CNOT6L: variants seen among roughly 807,000 people sequenced by gnomAD.
CNOT6L encodes CCR4-NOT transcription complex subunit 6-like.
A neutral mutation model predicts 64.0 loss-of-function variants in CNOT6L; 7 were observed. That is an observed-to-expected ratio of 0.11 (90% CI 0.06 to 0.21). The LOEUF (loss-of-function observed/expected upper bound fraction) is 0.21. Among genes scored for constraint, CNOT6L ranks in the 10% least tolerant of loss-of-function variants. The pLI is 1.00. For missense variants in CNOT6L, 245 were observed against 669.0 expected (o/e 0.37, Z 6.99); for synonymous variants, 193 against 243.4 (o/e 0.79, Z 1.93).
chr4:77,765,255 G>A (rs189714657), intron 4 of CNOT6L, among the ~76,000 whole-genome samples: 111 of 152,262 alleles, frequency 7.3e-4, no homozygotes, highest in Middle Eastern at 3.4e-3. Context: ...CCCTTGTTTA[G>A]CATATAATCA....
At chr4:77,737,406 C>CTTTTTTTTTTTTTTTTTTTTTTTTTTTT (rs56952956) in intron 8 of CNOT6L, among the ~76,000 whole-genome samples, 1 of 82,374 alleles carries the variant, frequency 1.2e-5, no homozygotes, top group African/African-American at 4.7e-5. Context: ...TTGTACCGTT[C>CTTTTTTTTTTTTTTTTTTTTTTTTTTTT]TTTTTTTTTT....
chr4:77,800,356 T>C (rs1040704199), intron 1 of CNOT6L, among the ~76,000 whole-genome samples: 1 of 151,802 alleles, frequency 6.6e-6, no homozygotes, highest in Admixed American at 6.6e-5. Flanking sequence ...AATTTTTTTT[T>C]TTAAAGTAGC....
At chr4:77,759,074 C>G (rs1725878061) in intron 4 of CNOT6L, among the ~76,000 whole-genome samples, 1 of 151,522 alleles carries the variant, frequency 6.6e-6, no homozygotes, top group Non-Finnish European at 1.5e-5. Context: ...TAACTCCTAG[C>G]CAGAAAGAGA....
intron 1 of CNOT6L, among the ~76,000 whole-genome samples, chr4:77,813,830 G>C: frequency 6.6e-6 from 1 of 152,310 alleles, no homozygotes; most frequent in East Asian, 1.9e-4. Context: ...GCTTTGGAAA[G>C]CAGTCTAGAA....
chr4:77,775,811 C>T (rs1728080425), intron 2 of CNOT6L, among the ~76,000 whole-genome samples: 1 of 152,106 alleles, frequency 6.6e-6, no homozygotes, highest in Admixed American at 6.6e-5. Context: ...CATTATTAGA[C>T]TGGAATTATG....
chr4:77,761,067 A>G (rs2078547287), intron 4 of CNOT6L, among the ~76,000 whole-genome samples: 1 of 151,770 alleles, frequency 6.6e-6, no homozygotes, highest in South Asian at 2.1e-4. Flanking sequence ...AACAACTTAG[A>G]AGAAATGGAC....
In CNOT6L at chr4:77,766,015, T is replaced by C. The variant is rs148121643; in HGVS notation, c.400+7066A>G. Among the ~76,000 whole-genome samples the C allele has an allele frequency of 4.4e-3, 664 of 152,322 alleles. 2 individuals carry two copies. Among genetic ancestry groups the C allele is most frequent in the South Asian group, 8.3e-3 (40 of 4,822 alleles). On this transcript the variant is annotated intron_variant, in intron 4 of 11. Transcript: ENST00000504123. ...GTTCTTTTTCTCTGACCCAGGAATC[T>C]TATGTCTTCTGCCACCATCCATGAA...
At chr4:77,734,969 G>C (rs1185421089) in intron 8 of CNOT6L, among the ~76,000 whole-genome samples, 1 of 152,048 alleles carries the variant, frequency 6.6e-6, no homozygotes, top group African/African-American at 2.4e-5. Flanking sequence ...TTTGTGTTAA[G>C]TACTTCATAT....
chr4:77,774,644 T>C lies in CNOT6L; in HGVS notation c.200A>G (p.Tyr67Cys), dbSNP rs1727957518. 6.2e-7 allele frequency: 1 copy of C among 1,613,522 alleles called. No homozygotes were observed. The highest frequency in any genetic ancestry group is 8.5e-7 in the Non-Finnish European group (1 of 1,179,702). The part of the protein sequence containing the change: ...HLTALHLNDN[Y>C]LSRIPPDIAK... ...AATATCAGGTGGAATGCGACTAAGG[T>C]AATTGTCATTTAGGTGCAGCGCTGT... The change falls in exon 3 of 12, where the codon TAC becomes TGC. Residue 67 changes from tyrosine to cysteine, a missense_variant. Around this residue, in one of 10 missense-constraint regions of CNOT6L, gnomAD observed 78 missense variants for 137.6 expected, o/e 0.57. Coordinates refer to ENST00000504123, the MANE Select transcript of CNOT6L (RefSeq NM_144571.3).
At chr4:77,806,088 T>A (rs761151996) in intron 1 of CNOT6L, among the ~76,000 whole-genome samples, 1 of 152,110 alleles carries the variant, frequency 6.6e-6, no homozygotes, top group Non-Finnish European at 1.5e-5. Flanking sequence ...CCCAGTCCCA[T>A]CTCCTCAACT....
chr4:77,757,007 G>T, intron 4 of CNOT6L, 56 bp from the exon 5 acceptor site: 1 of 792,808 alleles, frequency 1.3e-6, no homozygotes, highest in South Asian at 1.8e-5. Context: ...AGGCAAGACA[G>T]AAATGTATAC....
intron 5 of CNOT6L, among the ~76,000 whole-genome samples, chr4:77,752,750 C>A (rs1034094056): frequency 5.3e-5 from 8 of 151,128 alleles, no homozygotes; most frequent in African/African-American, 1.9e-4. Context: ...TAAATATATA[C>A]ATAAATATAT....
chr4:77,726,105 CT>C (rs1186736175), intron 11 of CNOT6L, 61 bp downstream of exon 11: 2 of 1,435,944 alleles, frequency 1.4e-6, no homozygotes, highest in Non-Finnish European at 2.0e-6. Context: ...GAATTTACAC[CT>C]TTTTTGTTAC....
In CNOT6L at chr4:77,714,438, TAAA is replaced by T. The variant is rs201499481; in HGVS notation, c.*5990_*5992del. 2.2e-5 allele frequency: 3 copies of T among 134,676 alleles called. No individual in the cohort carries two copies. Among genetic ancestry groups the T allele is most frequent in the Admixed American group, 1.5e-4 (2 of 13,676 alleles). The allele number at this position is 134,676 out of a possible 1,614,324, so 8.3% of individuals were successfully genotyped here. A position where few individuals can be genotyped will look rare whatever the true frequency, so the allele number is the denominator to read the frequency against. ...AGAAAAAGTACATACACACTCTCTT[TAAA>T]AAAAAAAAAAAAAAAAAAAAAAAAA... On this transcript the variant is annotated 3_prime_UTR_variant, in exon 12 of 12. Coordinates refer to ENST00000504123, the MANE Select transcript of CNOT6L (RefSeq NM_144571.3).
At chr4:77,797,700 C>A (rs2110131155) in intron 1 of CNOT6L, among the ~76,000 whole-genome samples, 1 of 152,082 alleles carries the variant, frequency 6.6e-6, no homozygotes, top group Non-Finnish European at 1.5e-5. Flanking sequence ...AGTGAGGTTG[C>A]CAAAATCAAT....
chr4:77,749,029 A>G (rs916436317), intron 5 of CNOT6L, among the ~76,000 whole-genome samples: 15 of 152,148 alleles, frequency 9.9e-5, no homozygotes, highest in Admixed American at 5.2e-4. Context: ...TCCTTTCAAA[A>G]TCTTTGAAAT....
intron 6 of CNOT6L, among the ~76,000 whole-genome samples, chr4:77,746,230 T>A (rs1474540847): frequency 6.6e-6 from 1 of 152,156 alleles, no homozygotes; most frequent in Non-Finnish European, 1.5e-5. Flanking sequence ...TAGCCAAAAC[T>A]CTTTATATCC....
chr4:77,766,415 G>T (rs1726824337), intron 4 of CNOT6L, among the ~76,000 whole-genome samples: 2 of 151,982 alleles, frequency 1.3e-5, no homozygotes, highest in South Asian at 4.1e-4. Context: ...AAAACTATTA[G>T]AAGCAGTCCC....
At chr4:77,769,743 T>C (rs1191380392) in intron 4 of CNOT6L, among the ~76,000 whole-genome samples, 1 of 152,080 alleles carries the variant, frequency 6.6e-6, no homozygotes, top group South Asian at 2.1e-4. Context: ...ATTTCAAGAA[T>C]AAAACAAATT....
Sources: allele counts gnomAD v4.1 joint callset (sites outside exome capture counted in the v4.1 genomes callset), GRCh38; gene constraint gnomAD v4.1.1; regional missense constraint gnomAD v4.1.1; transcripts MANE v1.5; gene names NCBI Gene and HGNC (gene_info 2026-07-23, HGNC 2026-07-21).